RAD50: variants seen among roughly 807,000 people sequenced by gnomAD.
The protein encoded by RAD50 is DNA repair protein RAD50.
A neutral mutation model predicts 168.8 loss-of-function variants in RAD50; 132 were observed. The observed-to-expected ratio is 0.78, with a 90% CI of 0.68 to 0.90. RAD50 has a LOEUF of 0.90. Ranked by LOEUF, RAD50 falls within the 40% of genes least tolerant of loss-of-function variation. The pLI is 0.00. For synonymous variants in RAD50, 525 were observed against 497.4 expected (o/e 1.06, Z -0.74); for missense variants, 1,347 against 1,534.4 (o/e 0.88, Z 2.04).
intron 11 of RAD50, among the ~76,000 whole-genome samples, chr5:132,593,747 G>C (rs933817496): frequency 1.3e-4 from 20 of 152,132 alleles, no homozygotes; most frequent in Admixed American, 7.9e-4. Context: ...GCTATGTAAG[G>C]GATACTCAAA....
chr5:132,643,272 C>A lies in RAD50; in HGVS notation c.*908C>A. ...TAGGGTCCAACCAGACCTGGAAGAA[C>A]AGGCCTCTCCATTTGCTCTTCAGAT... On this transcript the variant is annotated 3_prime_UTR_variant, in exon 25 of 25. Transcript: ENST00000378823. 1 of 256,116 alleles carries A rather than the reference C, an allele frequency of 3.9e-6. No homozygotes were observed. Among genetic ancestry groups the A allele is most frequent in the Non-Finnish European group, 8.0e-6 (1 of 125,364 alleles). The allele number at this position is 256,116 out of a possible 1,614,324, so 15.9% of individuals were successfully genotyped here.
intron 3 of RAD50, among the ~76,000 whole-genome samples, chr5:132,578,517 T>C (rs1392547631): frequency 1.4e-5 from 2 of 147,754 alleles, no homozygotes; most frequent in African/African-American, 5.2e-5. Flanking sequence ...TAATATTTTT[T>C]TTCTTTCTTT....
At chr5:132,587,419 A>G in intron 5 of RAD50, 143 bp from the exon 6 acceptor site, 1 of 1,258,300 alleles carries the variant, frequency 7.9e-7, no homozygotes, top group Non-Finnish European at 1.1e-6. Flanking sequence ...CAGTTTCTCT[A>G]GGCCTGCTCT....
intron 1 of RAD50, among the ~76,000 whole-genome samples, chr5:132,558,292 T>A (rs73257758): frequency 0.015 from 2,215 of 152,356 alleles, 66 homozygotes; most frequent in African/African-American, 0.051. Flanking sequence ...TAGTACTGTA[T>A]AGTGTTTATG....
At chr5:132,626,807 A>G (rs1751379469) in intron 21 of RAD50, among the ~76,000 whole-genome samples, 2 of 152,200 alleles carry the variant, frequency 1.3e-5, no homozygotes, top group South Asian at 2.1e-4. Context: ...ACCCAGGTAA[A>G]TGGTAGAGAT....
rs576291511 is a variant in RAD50, at chr5:132,574,308, G to A, written c.214-1469G>A. Among the ~76,000 whole-genome samples, 195 of 152,296 alleles carry A rather than the reference G, an allele frequency of 1.3e-3. 1 individual carries two copies. The highest frequency in any genetic ancestry group is 4.4e-3 in the African/African-American group (183 of 41,548). ...TGTGCACCTGCAGGCTCAACACCACGTGGAAGCTGCCAAGGCTTCGGGCTT... is the reference window on the plus strand; with the variant it reads ...TGTGCACCTGCAGGCTCAACACCACATGGAAGCTGCCAAGGCTTCGGGCTT... On this transcript the variant is annotated intron_variant, in intron 2 of 24. Transcript: ENST00000378823.
At chr5:132,572,435 A>G (rs1388100560) in intron 2 of RAD50, among the ~76,000 whole-genome samples, 3 of 152,210 alleles carry the variant, frequency 2.0e-5, no homozygotes, top group African/African-American at 7.2e-5. Context: ...AAAACCCTAA[A>G]TAAAGTAAAA....
chr5:132,597,802 G>A (rs142224721), intron 13 of RAD50, among the ~76,000 whole-genome samples: 145 of 152,294 alleles, frequency 9.5e-4, no homozygotes, highest in African/African-American at 3.2e-3. Flanking sequence ...ACCAACACAA[G>A]CATCAAGGGT....
intron 13 of RAD50, among the ~76,000 whole-genome samples, chr5:132,601,266 C>T (rs539569792): frequency 6.6e-6 from 1 of 152,238 alleles, no homozygotes; most frequent in Admixed American, 6.5e-5. Flanking sequence ...CCAAAGTGCT[C>T]ATATTACAGG....
intron 23 of RAD50, among the ~76,000 whole-genome samples, chr5:132,639,919 C>G (rs574735476): frequency 3.3e-4 from 51 of 152,304 alleles, no homozygotes; most frequent in African/African-American, 1.2e-3. Flanking sequence ...GATGTGTGCG[C>G]ACCCACCCAC....
In RAD50 at chr5:132,580,006, C is replaced by T. The variant is rs1302654209; in HGVS notation, c.696C>T (p.Ala232=). The part of the protein sequence containing the change: ...EIRDQITSKE[A]QLTSSKEIVK... ...GTGATCAGATTACAAGTAAGGAAGC[C>T]CAGTTAACATCTTCAAAGGAAATTG... The change falls in exon 5 of 25, where the codon GCC becomes GCT. Residue 232 remains alanine, a synonymous_variant. Coordinates refer to ENST00000378823, the MANE Select transcript of RAD50 (RefSeq NM_005732.4). 6.2e-7 allele frequency: 1 copy of T among 1,613,106 alleles called. No individual in the cohort carries two copies. The highest frequency in any genetic ancestry group is 1.3e-5 in the African/African-American group (1 of 74,850).
At chr5:132,640,556 A>G (rs904336802) in intron 23 of RAD50, 116 bp from the exon 24 acceptor site, 1 of 1,421,972 alleles carries the variant, frequency 7.0e-7, no homozygotes, top group Non-Finnish European at 9.9e-7. Context: ...TTTACCTAAC[A>G]GTGAACCTGT....
At chr5:132,584,638 A>C (rs1213313573) in intron 5 of RAD50, among the ~76,000 whole-genome samples, 1 of 152,202 alleles carries the variant, frequency 6.6e-6, no homozygotes, top group African/African-American at 2.4e-5. Flanking sequence ...ATAAAGACAC[A>C]TGCACATGTA....
At chr5:132,602,144 A>G (rs1013193688) in intron 13 of RAD50, among the ~76,000 whole-genome samples, 27 of 151,646 alleles carry the variant, frequency 1.8e-4, no homozygotes, top group African/African-American at 6.4e-4. Flanking sequence ...ATAAATAATT[A>G]AAAAATTTTA....
At chr5:132,578,270 G>A (rs980537047) in intron 3 of RAD50, among the ~76,000 whole-genome samples, 6 of 152,122 alleles carry the variant, frequency 3.9e-5, no homozygotes, top group African/African-American at 7.2e-5. Context: ...ACCACTATCC[G>A]TCCAGTGACA....
In RAD50 at chr5:132,642,631, C is replaced by T; in HGVS notation, c.*267C>T. ...TCAGGGTTCAGCAGTACAGCCGAGACTCGACTCTGTGCCTCCCTCCCCAGT... is the reference window on the plus strand; with the variant it reads ...TCAGGGTTCAGCAGTACAGCCGAGATTCGACTCTGTGCCTCCCTCCCCAGT... On this transcript the variant is annotated 3_prime_UTR_variant, in exon 25 of 25. Transcript: ENST00000378823. 1 of 516,896 alleles carries T rather than the reference C, an allele frequency of 1.9e-6. No individual in the cohort carries two copies. Among genetic ancestry groups the T allele is most frequent in the Admixed American group, 3.3e-5 (1 of 30,268 alleles). 32.0% of individuals were successfully genotyped at this position (516,896 alleles called of 1,614,324 possible). A position where few individuals can be genotyped will look rare whatever the true frequency, so the allele number is the denominator to read the frequency against.
Position 132,608,703 on chromosome 5 carries a change from G to T in RAD50, c.2807G>T (p.Ser936Ile). 6.3e-7 allele frequency: 1 copy of T among 1,589,154 alleles called. No individual in the cohort carries two copies. Among genetic ancestry groups the T allele is most frequent in the Admixed American group, 1.7e-5 (1 of 58,578 alleles). The change falls in exon 17 of 25, where the codon AGC becomes ATC. Residue 936 changes from serine (S) to isoleucine (I), a missense_variant. Ser to Ile is a moderately radical substitution (Grantham distance 142, BLOSUM62 -2). This residue lies in a region of RAD50 where 635 missense variants were observed against 739.2 expected (regional missense o/e 0.86). Transcript: ENST00000378823. ...GAATTAATCAACAAAAAAAATACAA[G>T]CAACAAAATAGCACAGGATAAAGTA... is the stretch of plus-strand genomic sequence containing the variant. ...KEELINKKNT[S>I]NKIAQDKLND...
Position 132,642,920 on chromosome 5 carries a change from A to C in RAD50, c.*556A>C, listed in dbSNP as rs1391251168. On this transcript the variant is annotated 3_prime_UTR_variant, in exon 25 of 25. Coordinates refer to ENST00000378823, the MANE Select transcript of RAD50 (RefSeq NM_005732.4). ...CCCCAACTAAAATTTGAAGTAGTTG[A>C]ATGGGGTCTCAAAGTTTGACAGGAA... 4 of 449,378 alleles carry C rather than the reference A, an allele frequency of 8.9e-6. No individual in the cohort carries two copies. In the East Asian group the frequency reaches 1.8e-4, roughly 20 times the overall value. The allele number at this position is 449,378 out of a possible 1,614,324, so 27.8% of individuals were successfully genotyped here. A position where few individuals can be genotyped will look rare whatever the true frequency, so the allele number is the denominator to read the frequency against.
intron 1 of RAD50, 99 bp downstream of exon 1, chr5:132,557,552 AG>A: frequency 6.5e-7 from 1 of 1,530,664 alleles, no homozygotes; most frequent in Non-Finnish European, 9.0e-7. Context: ...AAGCGTCCCT[AG>A]GGCTCCACAG....
Sources: gnomAD v4.1 joint callset for allele counts (sites outside exome capture counted in the v4.1 genomes callset) on GRCh38, gnomAD v4.1.1 for gene constraint, gnomAD v4.1.1 regional missense constraint, MANE v1.5 for transcripts, NCBI Gene and HGNC (gene_info 2026-07-23, HGNC 2026-07-21) for gene names.